The following INTS1 variants were observed in gnomAD, a reference collection of about 807,000 sequenced individuals.
The protein encoded by INTS1 is integrator complex subunit 1.
In INTS1, 137 loss-of-function variants were observed where a neutral mutation model predicts 241.6. That is an observed-to-expected ratio of 0.57 (90% CI 0.49 to 0.65). The LOEUF (loss-of-function observed/expected upper bound fraction) is 0.65, where lower values mean the gene tolerates loss of function less well. Ranked by LOEUF, INTS1 falls within the 30% of genes least tolerant of loss-of-function variation. INTS1 has a pLI of 0.00. For synonymous variants in INTS1, 1,692 were observed against 1,337.8 expected (o/e 1.26, Z -5.78); for missense variants, 3,073 against 3,032.2 (o/e 1.01, Z -0.32).
intron 31 of INTS1, 79 bp from the exon 32 acceptor site, chr7:1,478,964 C>A (rs755537732): frequency 1.4e-6 from 2 of 1,467,418 alleles, no homozygotes; most frequent in East Asian, 2.4e-5. Context: ...GAGCAGGGCC[C>A]GTGAGGCTGC....
At chr7:1,486,392 T>A (rs1232401666) in intron 22 of INTS1, among the ~76,000 whole-genome samples, 1 of 151,674 alleles carries the variant, frequency 6.6e-6, no homozygotes, top group Admixed American at 6.6e-5. Context: ...GCCTCCAGAG[T>A]ACCTGGGATT....
chr7:1,498,930 G>GGCCCCCCCCCCCCCCCCCCC, intron 8 of INTS1, 45 bp downstream of exon 8: 2 of 1,460,182 alleles, frequency 1.4e-6, no homozygotes, highest in Non-Finnish European at 1.9e-6. Flanking sequence ...CACAGAGCCT[G>GGCCCCCCCCCCCCCCCCCCC]CCCCCACCCC....
chr7:1,504,311 C>A lies in INTS1; in HGVS notation c.-42+12G>T. On this transcript the variant is annotated intron_variant, in intron 1 of 47. Transcript: ENST00000404767. ...CGGCAATGAGGAAGCGCCCAGGCCG[C>A]GGCTCACTTACCTCTGGCCCATCGC... 3.7e-6 allele frequency: 2 copies of A among 535,822 alleles called. No homozygotes were observed. Among genetic ancestry groups the A allele is most frequent in the Non-Finnish European group, 7.0e-6 (2 of 284,582 alleles). The allele number at this position is 535,822 out of a possible 1,614,324, so 33.2% of individuals were successfully genotyped here. A position where few individuals can be genotyped will look rare whatever the true frequency, so the allele number is the denominator to read the frequency against.
At chr7:1,494,018 G>A in intron 14 of INTS1, 107 bp from the exon 15 acceptor site, 1 of 1,358,736 alleles carries the variant, frequency 7.4e-7, no homozygotes, top group Non-Finnish European at 9.9e-7. Context: ...GCTGGTGGCA[G>A]AGGGCTGCTG....
At chr7:1,491,025 A>C (rs1782522402) in intron 16 of INTS1, among the ~76,000 whole-genome samples, 2 of 152,252 alleles carry the variant, frequency 1.3e-5, no homozygotes, top group Non-Finnish European at 2.9e-5. Flanking sequence ...GTGCTGCGAC[A>C]ACCAGAACCA....
rs368711332 is a variant in INTS1, at chr7:1,499,843, G to C, written c.684+41C>G. On this transcript the variant is annotated intron_variant, in intron 5 of 47. Coordinates refer to ENST00000404767, the MANE Select transcript of INTS1 (RefSeq NM_001080453.3). ...TTCTCTCGCCCCTGCCCCACCCCGTGGCGCTCTGCCATCTTCACCGTCCCG... is the reference window on the plus strand; with the variant it reads ...TTCTCTCGCCCCTGCCCCACCCCGTCGCGCTCTGCCATCTTCACCGTCCCG... 4.1e-5 allele frequency: 66 copies of C among 1,592,416 alleles called. No individual in the cohort carries two copies. The African/African-American group carries it at 7.5e-4, about 18-fold the overall frequency.
intron 29 of INTS1, 52 bp from the exon 30 acceptor site, chr7:1,480,493 A>G (rs1781943353): frequency 6.3e-7 from 1 of 1,585,506 alleles, no homozygotes; most frequent in Non-Finnish European, 8.6e-7. Context: ...ACCTGCTTCC[A>G]GCGGTGGGAA....
At position 1,499,207 on chromosome 7, in the gene INTS1, C is replaced by T. The variant is rs377624550; in HGVS notation, c.951-46G>A. 2.1e-4 allele frequency: 342 copies of T among 1,602,586 alleles called. 1 individual carries two copies. In the Middle Eastern group the frequency reaches 5.4e-3, roughly 25 times the overall value. ...AGGAGGGAGGAAGGTGGCCCCGAGG[C>T]GCCCGCCCCCGCCGCCCCCAACTGG... On this transcript the variant is annotated intron_variant, in intron 7 of 47. Coordinates refer to ENST00000404767, the MANE Select transcript of INTS1 (RefSeq NM_001080453.3).
At chr7:1,489,529 C>T in intron 17 of INTS1, 62 bp downstream of exon 17, 2 of 1,523,136 alleles carry the variant, frequency 1.3e-6, no homozygotes, top group South Asian at 1.2e-5. Context: ...AGACAAACTG[C>T]CCCAAAGGAA....
intron 17 of INTS1, 83 bp downstream of exon 17, chr7:1,489,508 C>T: frequency 6.5e-7 from 1 of 1,529,842 alleles, no homozygotes; most frequent in Non-Finnish European, 8.9e-7. Context: ...GGGCTCATCC[C>T]AAGTCCCAAC....
chr7:1,472,361 G>C lies in INTS1; in HGVS notation c.6096C>G (p.Pro2032=). 1 of 1,567,490 alleles carries C rather than the reference G, an allele frequency of 6.4e-7. No individual in the cohort carries two copies. The highest frequency in any genetic ancestry group is 1.9e-5 in the Admixed American group (1 of 53,824). Residue 2032 remains proline (P), a synonymous_variant, in exon 44 of 48, where the codon CCC becomes CCG. Coordinates refer to ENST00000404767, the MANE Select transcript of INTS1 (RefSeq NM_001080453.3). ...GGGTGAACAGGGAGACGCTGACCAG[G>C]GGCAAGGAGCCGGCTGAGCTCTCCT... ...GEEESSAGSL[P]LVSVSLFTPL...
intron 10 of INTS1, 171 bp downstream of exon 10, chr7:1,498,241 A>C: frequency 2.0e-6 from 2 of 998,496 alleles, no homozygotes; most frequent in Non-Finnish European, 2.9e-6. Context: ...CCCACTCTAG[A>C]AACGGCTCAA....
In INTS1 at chr7:1,500,320, CT is replaced by C; in HGVS notation, c.395del (p.Glu132GlyfsTer15). The C allele has an allele frequency of 6.3e-7, 1 of 1,591,548 alleles. No homozygotes were observed. The highest frequency in any genetic ancestry group is 1.7e-5 in the Admixed American group (1 of 58,444). On this transcript the variant is annotated frameshift_variant, in exon 4 of 48. Transcript: ENST00000404767. LOFTEE classifies it high-confidence loss of function. ...LLDEIEAAELEGNDDRIEGVL... is the reference protein window; with the variant it reads ...LLDEIEAAELXGNDDRIEGVL... Reference sequence around the variant, plus strand: ...CGCCCTCGATCCTGTCATCGTTGCCCTCCAGCTCGGCCGCCTCGATCTCATC... The same window carrying C: ...CGCCCTCGATCCTGTCATCGTTGCCCCCAGCTCGGCCGCCTCGATCTCATC...
Position 1,478,414 on chromosome 7 carries a change from G to A in INTS1, c.4582C>T (p.Leu1528=). The stretch of plus-strand genomic sequence containing the variant: ...ACGCTGCACTGCTCCCCAGACCTCA[G>A]GGTGGCGATGACGGCACGGACGGTG... ...SSTVRAVIAT[L]RSGEQCSVEP... Residue 1528 remains leucine, a synonymous_variant, in exon 33 of 48, where the codon CTG becomes TTG. Transcript: ENST00000404767. 6.2e-7 allele frequency: 1 copy of A among 1,612,754 alleles called. No homozygotes were observed. The highest frequency in any genetic ancestry group is 1.1e-5 in the South Asian group (1 of 91,082).
At chr7:1,504,088 C>A (rs987834731) in intron 1 of INTS1, 87 bp from the exon 2 acceptor site, 1 of 725,502 alleles carries the variant, frequency 1.4e-6, no homozygotes, top group East Asian at 3.2e-5. Flanking sequence ...GGGCTTGGGC[C>A]TGGGACCCGG....
chr7:1,498,614 GC>G (rs1562519907), intron 9 of INTS1, 61 bp from the exon 10 acceptor site: 2 of 1,587,784 alleles, frequency 1.3e-6, no homozygotes, highest in African/African-American at 1.5e-5. Context: ...CTCCGCCTGT[GC>G]CCCCACTCCG....
intron 23 of INTS1, 23 bp from the exon 24 acceptor site, chr7:1,485,225 C>T (rs778032821): frequency 5.3e-5 from 84 of 1,598,366 alleles, no homozygotes; most frequent in African/African-American, 1.5e-4. Flanking sequence ...GTGGTCTGAG[C>T]GGCAACAGGG....
At chr7:1,485,575 G>A in intron 22 of INTS1, 106 bp from the exon 23 acceptor site, 1 of 1,222,454 alleles carries the variant, frequency 8.2e-7, no homozygotes, top group Non-Finnish European at 1.1e-6. Flanking sequence ...CGAGGAGAAT[G>A]TGGCGCTTGC....
rs777576097 is a variant in INTS1, at chr7:1,482,676, G to A, written c.3573C>T (p.Asp1191=). 1.2e-6 allele frequency: 2 copies of A among 1,612,780 alleles called. No individual in the cohort carries two copies. The highest frequency in any genetic ancestry group is 1.3e-5 in the African/African-American group (1 of 75,076). ...GTGGCTTCTCCTCCGGAAACCAGATGTCCAGCAGCGCCTGGAACTCGCTGT... is the reference window on the plus strand; with the variant it reads ...GTGGCTTCTCCTCCGGAAACCAGATATCCAGCAGCGCCTGGAACTCGCTGT... The part of the protein sequence containing the change: ...ADDSEFQALL[D]IWFPEEKPLP... Residue 1191 remains aspartate, a synonymous_variant, in exon 27 of 48, where the codon GAC becomes GAT. Transcript: ENST00000404767.
Sources: allele counts gnomAD v4.1 joint callset (sites outside exome capture counted in the v4.1 genomes callset), GRCh38; gene constraint gnomAD v4.1.1; transcripts MANE v1.5; gene names NCBI Gene and HGNC (gene_info 2026-07-23, HGNC 2026-07-21).